The following TSHZ1 variants were observed in gnomAD, a reference collection of about 807,000 sequenced individuals.
The protein encoded by TSHZ1 is teashirt homolog 1.
A neutral mutation model predicts 67.1 loss-of-function variants in TSHZ1; 12 were observed. That is an observed-to-expected ratio of 0.18 (90% CI 0.11 to 0.29). The LOEUF is 0.29. Among genes scored for constraint, TSHZ1 ranks in the 10% least tolerant of loss-of-function variants. The pLI is 1.00. For missense variants in TSHZ1, 1,305 were observed against 1,413.9 expected, an observed-to-expected ratio of 0.92 and a Z score of 1.23; for synonymous variants, 632 against 622.4, an observed-to-expected ratio of 1.02 and a Z score of -0.23.
intron 1 of TSHZ1, among the ~76,000 whole-genome samples, chr18:75,216,659 A>C (rs1205244795): frequency 6.6e-6 from 1 of 152,224 alleles, no homozygotes; most frequent in African/African-American, 2.4e-5. Context: ...TGGTCGTTGG[A>C]TGGCTGCATA....
intron 1 of TSHZ1, among the ~76,000 whole-genome samples, chr18:75,236,564 A>G (rs2023074185): frequency 6.6e-6 from 1 of 152,192 alleles, no homozygotes; most frequent in African/African-American, 2.4e-5. Flanking sequence ...GATAATAATA[A>G]CAATAGCTAT....
chr18:75,286,096 G>A lies in TSHZ1; in HGVS notation c.689G>A (p.Arg230His), dbSNP rs146152419. The A allele has an allele frequency of 2.4e-5, 38 of 1,611,798 alleles. No homozygotes were observed. The highest frequency in any genetic ancestry group is 2.7e-5 in the Non-Finnish European group (32 of 1,178,310). The part of the protein sequence containing the change: ...PSLFSTVQLY[R>H]QNNKLYGSVF... ...CTGTTCAGCACCGTGCAGCTCTACC[G>A]CCAGAACAACAAGCTCTACGGCTCC... The change falls in exon 2 of 2, where the codon CGC (arginine) becomes CAC (histidine). Residue 230 changes from arginine to histidine, a missense_variant. This residue lies in a region of TSHZ1 where 358 missense variants were observed against 375.6 expected (regional missense o/e 0.95). Coordinates refer to ENST00000580243, the MANE Select transcript of TSHZ1 (RefSeq NM_001308210.2). This position sits in a 1 kb window ranked among gnomAD's most constrained non-coding sequence, Gnocchi z 5.1.
chr18:75,228,425 T>C (rs571914143), intron 1 of TSHZ1, among the ~76,000 whole-genome samples: 14 of 152,290 alleles, frequency 9.2e-5, no homozygotes, highest in African/African-American at 3.1e-4. Flanking sequence ...ACCCCAGAGC[T>C]CACCATTATC....
chr18:75,237,791 C>CTTTTATTTATTT (rs150217532), intron 1 of TSHZ1, among the ~76,000 whole-genome samples: 38,405 of 143,436 alleles, frequency 0.27, 5,720 homozygotes, highest in South Asian at 0.36. Context: ...TTCTTTCTTT[C>CTTTTATTTATTT]ATTTATTTAT....
At chr18:75,269,428 C>A (rs568149968) in intron 1 of TSHZ1, among the ~76,000 whole-genome samples, 5 of 152,018 alleles carry the variant, frequency 3.3e-5, no homozygotes. Flanking sequence ...CTCCCCTGTG[C>A]TATGATTAAG....
chr18:75,265,710 C>T (rs562455058), intron 1 of TSHZ1, among the ~76,000 whole-genome samples: 16 of 152,248 alleles, frequency 1.1e-4, no homozygotes, highest in Admixed American at 1.0e-3. Context: ...TGCTTCTCCC[C>T]CATCTCATTC....
intron 1 of TSHZ1, among the ~76,000 whole-genome samples, chr18:75,239,191 C>G (rs2023122429): frequency 6.6e-6 from 1 of 152,240 alleles, no homozygotes; most frequent in South Asian, 2.1e-4. Context: ...GGCCAGGGGC[C>G]CTGAGGCTTC....
At position 75,289,575 on chromosome 18, in the gene TSHZ1, T is replaced by C. The variant is rs1241611247; in HGVS notation, c.*934T>C. Reference sequence around the variant, plus strand: ...CTTAAAAACTCCTGTATGTTACATATCGTACCATTTTAATCTCTTCAACTT... The same window carrying C: ...CTTAAAAACTCCTGTATGTTACATACCGTACCATTTTAATCTCTTCAACTT... On this transcript the variant is annotated 3_prime_UTR_variant, in exon 2 of 2. Transcript: ENST00000580243. The C allele has an allele frequency of 6.0e-6, 1 of 167,128 alleles. No individual in the cohort carries two copies. Among genetic ancestry groups the C allele is most frequent in the African/African-American group, 2.4e-5 (1 of 41,466 alleles). The allele number at this position is 167,128 out of a possible 1,614,324, so 10.4% of individuals were successfully genotyped here.
At chr18:75,226,795 G>A (rs902436137) in intron 1 of TSHZ1, among the ~76,000 whole-genome samples, 1 of 152,140 alleles carries the variant, frequency 6.6e-6, no homozygotes, top group African/African-American at 2.4e-5. Flanking sequence ...GACAAAGCCT[G>A]AGAGAGTTCA....
intron 1 of TSHZ1, among the ~76,000 whole-genome samples, chr18:75,272,803 T>G (rs1447818083): frequency 1.3e-5 from 2 of 152,240 alleles, no homozygotes; most frequent in East Asian, 3.8e-4. Flanking sequence ...CAATTGAACA[T>G]TGTATTTTCC....
In TSHZ1 at chr18:75,211,798, C is replaced by T. The variant is rs1236397261; in HGVS notation, c.-79C>T. ...AAGTTGGGCGCGCCGCGGAGTTGCG[C>T]CCGCGCCCGGGGCCCCGCGTCCCCG... On this transcript the variant is annotated 5_prime_UTR_variant, in exon 1 of 2. Transcript: ENST00000580243. 9 of 973,348 alleles carry T rather than the reference C, an allele frequency of 9.2e-6. No individual in the cohort carries two copies. Among genetic ancestry groups the T allele is most frequent in the East Asian group, 9.8e-5 (1 of 10,180 alleles). The allele number at this position is 973,348 out of a possible 1,614,324, so 60.3% of individuals were successfully genotyped here.
chr18:75,226,829 G>C (rs1599028016), intron 1 of TSHZ1, among the ~76,000 whole-genome samples: 2 of 152,260 alleles, frequency 1.3e-5, no homozygotes, highest in African/African-American at 4.8e-5. Context: ...CCTACCCTCT[G>C]TGAGCCCCTT....
At chr18:75,258,528 A>G (rs908936293) in intron 1 of TSHZ1, among the ~76,000 whole-genome samples, 2 of 152,192 alleles carry the variant, frequency 1.3e-5, no homozygotes, top group African/African-American at 4.8e-5. Flanking sequence ...AGATTTCTTT[A>G]TTTGGGAAAA....
At chr18:75,241,262 C>T (rs372012608) in intron 1 of TSHZ1, among the ~76,000 whole-genome samples, 242 of 152,268 alleles carry the variant, frequency 1.6e-3, no homozygotes, top group African/African-American at 5.7e-3. Context: ...GGGGTCTGCT[C>T]CTGCAGTCCC....
chr18:75,242,577 T>C (rs1341035357), intron 1 of TSHZ1, among the ~76,000 whole-genome samples: 1 of 152,268 alleles, frequency 6.6e-6, no homozygotes, highest in Non-Finnish European at 1.5e-5. Context: ...ATATTTCTTT[T>C]ATTTGGTTTG....
At chr18:75,217,917 A>G (rs1487581584) in intron 1 of TSHZ1, among the ~76,000 whole-genome samples, 1 of 152,224 alleles carries the variant, frequency 6.6e-6, no homozygotes, top group African/African-American at 2.4e-5. Context: ...AAATATTCTG[A>G]AAACTTAAAG....
chr18:75,231,404 C>A (rs1384874710), intron 1 of TSHZ1, among the ~76,000 whole-genome samples: 1 of 152,222 alleles, frequency 6.6e-6, no homozygotes, highest in African/African-American at 2.4e-5. Context: ...CTCCCCAGAT[C>A]TTTGTATTTT....
Position 75,288,122 on chromosome 18 carries a change from C to G in TSHZ1, c.2715C>G (p.Ala905=), listed in dbSNP as rs1406092312. 6.2e-7 allele frequency: 1 copy of G among 1,613,882 alleles called. No individual in the cohort carries two copies. The highest frequency in any genetic ancestry group is 1.1e-5 in the South Asian group (1 of 91,088). ...QHLLILQAQF[A]SSLRETTEGK... ...TTCTCATCCTGCAGGCCCAGTTCGC[C>G]TCGAGCTTGCGGGAGACCACAGAGG... The change falls in exon 2 of 2, where the codon GCC becomes GCG. Residue 905 remains alanine (A), a synonymous_variant. Transcript: ENST00000580243. This position sits in a 1 kb window ranked among gnomAD's most constrained non-coding sequence, Gnocchi z 4.9.
At chr18:75,269,698 A>ATC (rs946534110) in intron 1 of TSHZ1, among the ~76,000 whole-genome samples, 1 of 152,236 alleles carries the variant, frequency 6.6e-6, no homozygotes, top group Non-Finnish European at 1.5e-5. Context: ...GTTCAGTGGC[A>ATC]TTAAATACAT....
Sources: allele counts gnomAD v4.1 joint callset (sites outside exome capture counted in the v4.1 genomes callset), GRCh38; gene constraint gnomAD v4.1.1; regional missense constraint gnomAD v4.1.1; non-coding constraint Gnocchi (gnomAD v3.1); transcripts MANE v1.5; gene names NCBI Gene and HGNC (gene_info 2026-07-23, HGNC 2026-07-21).